The following MERTK variants were observed in gnomAD, a reference collection of about 807,000 sequenced individuals.
The protein encoded by MERTK is tyrosine-protein kinase Mer.
A neutral mutation model predicts 99.3 loss-of-function variants in MERTK; 69 were observed. The observed-to-expected ratio is 0.70, with a 90% CI of 0.57 to 0.85. MERTK has a LOEUF of 0.85. Among genes scored for constraint, MERTK ranks in the 40% least tolerant of loss-of-function variants. The pLI, the probability that MERTK is intolerant of heterozygous loss-of-function variation, is 0.00. For missense variants in MERTK, 1,125 were observed against 1,249.4 expected (o/e 0.90, Z 1.50); for synonymous variants, 426 against 467.6 (o/e 0.91, Z 1.15).
intron 4 of MERTK, among the ~76,000 whole-genome samples, chr2:111,948,549 C>T (rs1259153894): frequency 6.6e-6 from 1 of 152,230 alleles, no homozygotes; most frequent in Non-Finnish European, 1.5e-5. Context: ...GAATGAAACT[C>T]TTAACCCCAG....
At chr2:111,976,451 G>T (rs1676251356) in intron 7 of MERTK, among the ~76,000 whole-genome samples, 1 of 151,800 alleles carries the variant, frequency 6.6e-6, no homozygotes, top group South Asian at 2.1e-4. Context: ...GAGGCGTAAA[G>T]CACCCAACAT....
intron 8 of MERTK, among the ~76,000 whole-genome samples, chr2:111,992,842 C>G (rs1057219168): frequency 1.3e-5 from 2 of 151,770 alleles, no homozygotes; most frequent in Non-Finnish European, 2.9e-5. Context: ...GCAAATTAAA[C>G]AAACTCAAGG....
rs542839578 is a variant in MERTK, at chr2:111,953,057, A to G, written c.757+5490A>G. ...TCAGGGGTCTGGTTCAGTGCCTGGA[A>G]CATGGTAGTTGTAGAAATGACCAGT... On this transcript the variant is annotated intron_variant, in intron 4 of 18. Coordinates refer to ENST00000295408, the MANE Select transcript of MERTK (RefSeq NM_006343.3). Among the ~76,000 whole-genome samples, 121 of 152,312 alleles carry G rather than the reference A, an allele frequency of 7.9e-4. 1 individual carries two copies. Among genetic ancestry groups the G allele is most frequent in the Non-Finnish European group, 1.3e-3 (90 of 68,028 alleles).
At chr2:111,967,760 A>C (rs1685387149) in intron 5 of MERTK, among the ~76,000 whole-genome samples, 1 of 152,228 alleles carries the variant, frequency 6.6e-6, no homozygotes, top group African/African-American at 2.4e-5. Context: ...CCACGAGGGC[A>C]GGGCTATGAC....
rs765594435 is a variant in MERTK at position 111,997,359 on chromosome 2, C to T, written c.1487C>T (p.Pro496Leu). ...TATGCCCCCTCTTCAACTCCGGCGC[C>T]TGGCAACGCAGATCCTGTGCTCATC... The part of the protein sequence containing the change: ...VDYAPSSTPA[P>L]GNADPVLIIF... The change falls in exon 10 of 19, where the codon CCT (proline) becomes CTT (leucine). Residue 496 changes from proline (P) to leucine (L), a missense_variant. Pro to Leu is a moderately conservative substitution (Grantham distance 98). Coordinates refer to ENST00000295408, the MANE Select transcript of MERTK (RefSeq NM_006343.3). 1.1e-5 allele frequency: 18 copies of T among 1,614,070 alleles called. No individual in the cohort carries two copies. In the South Asian group the frequency reaches 2.0e-4, roughly 18 times the overall value.
intron 17 of MERTK, among the ~76,000 whole-genome samples, 164 bp downstream of exon 17, chr2:112,021,745 A>C (rs1040223939): frequency 1.2e-4 from 18 of 152,312 alleles, no homozygotes; most frequent in African/African-American, 4.1e-4. Flanking sequence ...ACTTTAATTC[A>C]AGTGGAACAG....
At chr2:112,011,703 A>G (rs1435677000) in intron 15 of MERTK, among the ~76,000 whole-genome samples, 1 of 152,176 alleles carries the variant, frequency 6.6e-6, no homozygotes, top group Non-Finnish European at 1.5e-5. Context: ...GTGAGCCAAG[A>G]TCACGCCACT....
At chr2:112,000,998 C>T (rs774519442) in intron 10 of MERTK, among the ~76,000 whole-genome samples, 9 of 152,114 alleles carry the variant, frequency 5.9e-5, no homozygotes, top group Non-Finnish European at 1.5e-5. Context: ...CTGTTCTTGG[C>T]GGTACCTGGC....
chr2:111,929,512 GA>G lies in MERTK; in HGVS notation c.456del (p.Val153LeufsTer4). On this transcript the variant is annotated frameshift_variant, in exon 2 of 19. Transcript: ENST00000295408. LOFTEE classifies it high-confidence loss of function. Reference protein sequence around the residue: ...HAITQFYPDDEVTAIIASFSI... With the variant: ...HAITQFYPDDXVTAIIASFSI... The stretch of plus-strand genomic sequence containing the variant: ...AATTACACAGTTTTATCCAGATGAT[GA>G]AGTTACAGCAATAATCGCTTCCTTC... 6.2e-7 allele frequency: 1 copy of G among 1,613,562 alleles called. No individual in the cohort carries two copies. The highest frequency in any genetic ancestry group is 8.5e-7 in the Non-Finnish European group (1 of 1,179,708).
Position 111,913,046 on chromosome 2 carries a change from GAAAGGTGAAA to G in MERTK, c.61+14253_61+14262del, listed in dbSNP as rs1214662346. ...AGACTGTCTAGGTAAAAGGCCTGGC[GAAAGGTGAAA>G]AAGTTTCTGTGTGGGTTGATACAGG... On this transcript the variant is annotated intron_variant, in intron 1 of 18. Coordinates refer to ENST00000295408, the MANE Select transcript of MERTK (RefSeq NM_006343.3). 46 of 985,412 alleles carry G rather than the reference GAAAGGTGAAA, an allele frequency of 4.7e-5. 1 individual carries two copies. In the East Asian group the frequency reaches 3.4e-3, roughly 73 times the overall value. The allele number at this position is 985,412 out of a possible 1,614,324, so 61.0% of individuals were successfully genotyped here.
At chr2:112,001,918 T>C (rs1413236482) in intron 11 of MERTK, among the ~76,000 whole-genome samples, 1 of 152,210 alleles carries the variant, frequency 6.6e-6, no homozygotes, top group Non-Finnish European at 1.5e-5. Flanking sequence ...TTAATTTCTT[T>C]ACCTTTCTAG....
At chr2:111,970,523 A>C (rs1486168762) in intron 6 of MERTK, among the ~76,000 whole-genome samples, 2 of 152,188 alleles carry the variant, frequency 1.3e-5, no homozygotes, top group African/African-American at 4.8e-5. Flanking sequence ...GGTGTTTAGT[A>C]TATTCAAGAA....
chr2:112,027,671 G>T (rs2104429074), intron 18 of MERTK, among the ~76,000 whole-genome samples: 1 of 152,172 alleles, frequency 6.6e-6, no homozygotes, highest in African/African-American at 2.4e-5. Context: ...GTTCTGTAAT[G>T]TCCCTGAGCC....
chr2:112,028,152 C>T, intron 18 of MERTK, 199 bp from the exon 19 acceptor site: 1 of 629,162 alleles, frequency 1.6e-6, no homozygotes, highest in Non-Finnish European at 2.7e-6. Context: ...GAAACAGAAT[C>T]ACTTTTTTGT....
At chr2:111,971,550 AT>A (rs143709873) in intron 6 of MERTK, among the ~76,000 whole-genome samples, 4 of 151,564 alleles carry the variant, frequency 2.6e-5, no homozygotes, top group South Asian at 2.1e-4. Context: ...TTCCTTGTGA[AT>A]TTTTTTTGTC....
At chr2:111,940,331 C>A in intron 2 of MERTK, 1 of 492,238 alleles carries the variant, frequency 2.0e-6, no homozygotes, top group South Asian at 1.7e-5. Context: ...AGCCTGTGGT[C>A]TGTCCTTGCA....
rs1163987038 is a variant in MERTK, at chr2:111,947,514, G to A, written c.704G>A (p.Ser235Asn). The A allele has an allele frequency of 1.2e-6, 2 of 1,614,088 alleles. No homozygotes were observed. Among genetic ancestry groups the A allele is most frequent in the Middle Eastern group, 1.6e-4 (1 of 6,084 alleles). ...EPVNIFWVQN[S>N]SRVNEQPEKS... is the part of the protein sequence containing the mutation. ...GTCAACATTTTCTGGGTTCAAAACA[G>A]TAGCCGTGTTAACGAACAGCCTGAA... is the stretch of plus-strand genomic sequence containing the variant. Residue 235 changes from serine (S) to asparagine (N), a missense_variant, in exon 4 of 19, where the codon AGT (serine) becomes AAT (asparagine). Physicochemically the swap from Ser to Asn is conservative, Grantham distance 46. Coordinates refer to ENST00000295408, the MANE Select transcript of MERTK (RefSeq NM_006343.3).
intron 8 of MERTK, among the ~76,000 whole-genome samples, chr2:111,987,234 G>C (rs1165463453): frequency 6.6e-6 from 1 of 151,894 alleles, no homozygotes; most frequent in Non-Finnish European, 1.5e-5. Context: ...GTTTTTCCTT[G>C]GCTTATCGCA....
At chr2:111,928,964 A>T (rs780258650) in intron 1 of MERTK, among the ~76,000 whole-genome samples, 156 bp from the exon 2 acceptor site, 1 of 152,196 alleles carries the variant, frequency 6.6e-6, no homozygotes, top group African/African-American at 2.4e-5. Context: ...GTGAATAAGA[A>T]TATGTCCAGA....
Sources: gnomAD v4.1 joint callset for allele counts (sites outside exome capture counted in the v4.1 genomes callset) on GRCh38, gnomAD v4.1.1 for gene constraint, MANE v1.5 for transcripts, NCBI Gene and HGNC (gene_info 2026-07-23, HGNC 2026-07-21) for gene names.